The following MAF variants were observed in gnomAD, a reference collection of about 807,000 sequenced individuals.
The protein encoded by MAF is transcription factor Maf.
A neutral mutation model predicts 22.0 loss-of-function variants in MAF; 10 were observed. The ratio of observed to expected loss-of-function variants is 0.45; its 90% CI spans 0.28 to 0.77. The LOEUF (loss-of-function observed/expected upper bound fraction) is 0.77. MAF is among the 30% of genes least tolerant of loss of function. The pLI is 0.12. For missense variants in MAF, 544 were observed against 548.4 expected, an observed-to-expected ratio of 0.99 and a Z score of 0.08; for synonymous variants, 337 against 255.8, an observed-to-expected ratio of 1.32 and a Z score of -3.03.
the MAF span, among the ~76,000 whole-genome samples, chr16:79,316,190 C>T: frequency 6.6e-6 from 1 of 152,202 alleles, no homozygotes. Flanking sequence ...TTTCCATTTC[C>T]AATTTGATGG....
At chr16:79,257,605 C>G in the MAF span, among the ~76,000 whole-genome samples, 9 of 152,106 alleles carry the variant, frequency 5.9e-5, no homozygotes, top group African/African-American at 2.2e-4. Context: ...CAGCCTCAGC[C>G]GAGCTACTTA....
the MAF span, among the ~76,000 whole-genome samples, chr16:79,219,933 G>C: frequency 3.9e-5 from 6 of 152,150 alleles, no homozygotes; most frequent in Admixed American, 2.0e-4. Flanking sequence ...TTTAAATAGA[G>C]TTAATCTTGG....
chr16:79,493,897 C>CATGGA, the MAF span, among the ~76,000 whole-genome samples: 1 of 150,744 alleles, frequency 6.6e-6, no homozygotes, highest in South Asian at 2.1e-4. Context: ...GATGTGTATT[C>CATGGA]ATGGAACTGG....
At position 79,599,605 on chromosome 16, in the gene MAF, G is replaced by T; in HGVS notation, c.298C>A (p.Gln100Lys). The change falls in exon 1 of 2, where the codon CAG becomes AAG. Residue 100 changes from glutamine (Q) to lysine (K), a missense_variant. Physicochemically the swap from Gln to Lys is moderately conservative, Grantham distance 53. This residue lies in a region of MAF where 342 missense variants were observed against 315.5 expected (regional missense o/e 1.08). Transcript: ENST00000326043. Reference protein sequence around the residue: ...DYYWMTGYPQQLNPEALGFSP... With the variant: ...DYYWMTGYPQKLNPEALGFSP... ...AAGCCCAGCGCCTCGGGGTTCAGCT[G>T]CTGCGGGTAGCCGGTCATCCAGTAG... The T allele has an allele frequency of 6.2e-7, 1 of 1,609,952 alleles. No individual in the cohort carries two copies. Among genetic ancestry groups the T allele is most frequent in the East Asian group, 2.2e-5 (1 of 44,736 alleles).
the MAF span, among the ~76,000 whole-genome samples, chr16:79,457,592 G>A: frequency 7.2e-5 from 11 of 152,206 alleles, no homozygotes; most frequent in Middle Eastern, 3.4e-3. Flanking sequence ...TGAGCCAGCC[G>A]TCCAATAAAT....
the MAF span, among the ~76,000 whole-genome samples, chr16:79,481,193 G>C: frequency 5.3e-5 from 8 of 151,412 alleles, 1 homozygote; most frequent in African/African-American, 1.9e-4. Flanking sequence ...CTCCAGGACG[G>C]GAACTCACAC....
At chr16:79,525,166 C>G in the MAF span, among the ~76,000 whole-genome samples, 6 of 152,108 alleles carry the variant, frequency 3.9e-5, no homozygotes, top group Non-Finnish European at 5.9e-5. Context: ...GATTTCATCG[C>G]TCTTGCAATC....
At chr16:79,290,186 A>G in the MAF span, among the ~76,000 whole-genome samples, 1 of 152,140 alleles carries the variant, frequency 6.6e-6, no homozygotes, top group Non-Finnish European at 1.5e-5. Flanking sequence ...CCAAGTCCAA[A>G]ACCCCATGGG....
At chr16:79,551,749 G>A in the MAF span, among the ~76,000 whole-genome samples, 24 of 152,100 alleles carry the variant, frequency 1.6e-4, no homozygotes, top group South Asian at 4.2e-4. Context: ...AAATTTTAGC[G>A]TCCATAAATA....
At chr16:79,273,036 C>T in the MAF span, among the ~76,000 whole-genome samples, 84,726 of 152,112 alleles carry the variant, frequency 0.56, 25,774 homozygotes, top group Admixed American at 0.68. Flanking sequence ...GACATTGTGC[C>T]GAAGTTATTG....
chr16:79,326,804 T>G, the MAF span, among the ~76,000 whole-genome samples: 1 of 152,162 alleles, frequency 6.6e-6, no homozygotes, highest in Non-Finnish European at 1.5e-5. Flanking sequence ...TGACCTAGGG[T>G]GCTGAGAAAA....
chr16:79,401,657 T>C, the MAF span, among the ~76,000 whole-genome samples: 4 of 152,210 alleles, frequency 2.6e-5, no homozygotes, highest in Middle Eastern at 3.4e-3. Flanking sequence ...TGTGTACCCA[T>C]ACAAAATAAT....
At chr16:79,332,689 A>C in the MAF span, among the ~76,000 whole-genome samples, 1 of 152,206 alleles carries the variant, frequency 6.6e-6, no homozygotes, top group African/African-American at 2.4e-5. Flanking sequence ...TCCTTACAGC[A>C]ATGTCATGAG....
At chr16:79,505,488 A>T in the MAF span, 1 of 152,252 alleles carries the variant, frequency 6.6e-6, no homozygotes, top group Non-Finnish European at 1.5e-5. Flanking sequence ...CGTTGTTCCT[A>T]GGGGAAGAGT....
chr16:79,527,294 G>T, the MAF span, among the ~76,000 whole-genome samples: 1 of 152,122 alleles, frequency 6.6e-6, no homozygotes, highest in African/African-American at 2.4e-5. Flanking sequence ...TCCAAATATA[G>T]CTCTAAGCTT....
intron 1 of MAF, among the ~76,000 whole-genome samples, chr16:79,587,879 G>GA (rs1912948112): frequency 6.8e-6 from 1 of 147,326 alleles, no homozygotes; most frequent in Non-Finnish European, 1.5e-5. Context: ...AGGGGGGGGG[G>GA]GGTAGATACT....
chr16:79,348,886 G>A, the MAF span, among the ~76,000 whole-genome samples: 7 of 152,202 alleles, frequency 4.6e-5, no homozygotes, highest in African/African-American at 1.7e-4. Context: ...GAGAGGTGTT[G>A]TTAAGCGTTC....
the MAF span, among the ~76,000 whole-genome samples, chr16:79,517,934 G>C: frequency 6.6e-6 from 1 of 152,144 alleles, no homozygotes; most frequent in East Asian, 1.9e-4. Context: ...AGTGGACCAA[G>C]GGCAGGGTCT....
the MAF span, among the ~76,000 whole-genome samples, chr16:79,526,155 C>T: frequency 7.2e-5 from 11 of 152,212 alleles, no homozygotes; most frequent in African/African-American, 2.4e-4. Flanking sequence ...TGAGAAATGG[C>T]GTTAGACCAG....
Sources: gnomAD v4.1 joint callset for allele counts (sites outside exome capture counted in the v4.1 genomes callset) on GRCh38, gnomAD v4.1.1 for gene constraint, gnomAD v4.1.1 regional missense constraint, MANE v1.5 for transcripts, NCBI Gene and HGNC (gene_info 2026-07-23, HGNC 2026-07-21) for gene names.